The following GRM1 variants were observed in gnomAD, a reference collection of about 807,000 sequenced individuals.
GRM1 encodes the protein metabotropic glutamate receptor 1.
GRM1 carries 33 observed loss-of-function variants against 90.9 expected under a neutral mutation model. The observed-to-expected ratio is 0.36, with a 90% CI of 0.28 to 0.49. The LOEUF (loss-of-function observed/expected upper bound fraction) is 0.49. Ranked by LOEUF, GRM1 falls within the 20% of genes least tolerant of loss-of-function variation. The pLI is 0.99. For missense variants in GRM1, 1,190 were observed against 1,534.3 expected (o/e 0.78, Z 3.75); for synonymous variants, 700 against 613.2 (o/e 1.14, Z -2.09).
intron 1 of GRM1, among the ~76,000 whole-genome samples, chr6:146,091,327 G>A (rs933868586): frequency 6.6e-5 from 10 of 152,154 alleles, no homozygotes; most frequent in Admixed American, 5.9e-4. Context: ...TGAGGAGGCC[G>A]GGGTGAGTGA....
intron 2 of GRM1, among the ~76,000 whole-genome samples, chr6:146,284,052 C>T (rs1438676747): frequency 2.0e-5 from 3 of 152,124 alleles, no homozygotes; most frequent in African/African-American, 7.2e-5. Flanking sequence ...TGGAAATGGG[C>T]TTGGGCCTCT....
At chr6:146,226,698 G>A (rs1428978662) in intron 2 of GRM1, among the ~76,000 whole-genome samples, 2 of 152,096 alleles carry the variant, frequency 1.3e-5, no homozygotes, top group Admixed American at 6.6e-5. Flanking sequence ...TGATCGGTAG[G>A]TGGATGGTTT....
chr6:146,129,238 G>A lies in GRM1; in HGVS notation c.701-30110G>A, dbSNP rs148013624. ...GTGTAGTACAGGAAGGAGAATAGAAGATAACATTCCCATGTTCCTACAGCT... is the reference window on the plus strand; with the variant it reads ...GTGTAGTACAGGAAGGAGAATAGAAAATAACATTCCCATGTTCCTACAGCT... On this transcript the variant is annotated intron_variant, in intron 1 of 7. Coordinates refer to ENST00000282753, the MANE Select transcript of GRM1 (RefSeq NM_001278064.2). Among the ~76,000 whole-genome samples the A allele has an allele frequency of 2.3e-3, 354 of 152,256 alleles. 1 individual carries two copies. The highest frequency in any genetic ancestry group is 8.1e-3 in the African/African-American group (337 of 41,558).
At chr6:146,311,539 T>C (rs1460523579) in intron 3 of GRM1, among the ~76,000 whole-genome samples, 1 of 152,206 alleles carries the variant, frequency 6.6e-6, no homozygotes, top group South Asian at 2.1e-4. Flanking sequence ...ATTAACACTT[T>C]TGATTGGCAC....
chr6:146,181,236 C>T (rs1778540875), intron 2 of GRM1, among the ~76,000 whole-genome samples: 1 of 133,356 alleles, frequency 7.5e-6, no homozygotes. Context: ...AACTTGCCAC[C>T]TTTAAAAAAA....
intron 2 of GRM1, among the ~76,000 whole-genome samples, chr6:146,217,492 AC>A (rs1779913551): frequency 6.6e-6 from 1 of 152,220 alleles, no homozygotes; most frequent in Non-Finnish European, 1.5e-5. Flanking sequence ...GCAACTAATA[AC>A]AACACAGCCT....
intron 3 of GRM1, among the ~76,000 whole-genome samples, chr6:146,339,719 A>T (rs1254269045): frequency 6.6e-6 from 1 of 152,244 alleles, no homozygotes; most frequent in Admixed American, 6.5e-5. Context: ...CTGATATCAC[A>T]GAGTCTACTC....
chr6:146,301,118 C>T (rs1783363237), intron 2 of GRM1, among the ~76,000 whole-genome samples: 1 of 152,054 alleles, frequency 6.6e-6, no homozygotes, highest in Admixed American at 6.6e-5. Flanking sequence ...CTCATACAAA[C>T]CTTTAGCAAT....
chr6:146,310,139 T>C (rs1414868261), intron 3 of GRM1, among the ~76,000 whole-genome samples: 3 of 152,244 alleles, frequency 2.0e-5, no homozygotes, highest in Non-Finnish European at 4.4e-5. Context: ...GGTAAGATGA[T>C]GATAGCTAGT....
chr6:146,298,853 GCAAAGACTTTA>G (rs1407736751), intron 2 of GRM1, among the ~76,000 whole-genome samples: 9 of 152,106 alleles, frequency 5.9e-5, no homozygotes, highest in African/African-American at 2.2e-4. Context: ...TCACTTCCTA[GCAAAGACTTTA>G]CAAAAGCTAT....
intron 3 of GRM1, among the ~76,000 whole-genome samples, chr6:146,322,570 C>CTTTTATTTTATTTTATTTTATTTTAT (rs1554296827): frequency 1.8e-5 from 2 of 109,928 alleles, no homozygotes; most frequent in African/African-American, 1.2e-4. Flanking sequence ...GGGCTGCTGC[C>CTTTTATTTTATTTTATTTTATTTTAT]TTTCTTTTAT....
At chr6:146,189,397 C>T (rs1430570317) in intron 2 of GRM1, among the ~76,000 whole-genome samples, 1 of 152,168 alleles carries the variant, frequency 6.6e-6, no homozygotes, top group African/African-American at 2.4e-5. Context: ...AATTCTGTAG[C>T]AATTCCTATT....
chr6:146,267,702 GCTCGTCTCGTCTCGT>G (rs1185232840), intron 2 of GRM1, among the ~76,000 whole-genome samples: 3,736 of 85,806 alleles, frequency 0.044, 93 homozygotes, highest in Non-Finnish European at 0.054. Flanking sequence ...GCTCGGCTCG[GCTCGTCTCGTCTCGT>G]CTCGTCTCGT....
chr6:146,173,349 C>T (rs909249033), intron 2 of GRM1, among the ~76,000 whole-genome samples: 30 of 144,226 alleles, frequency 2.1e-4, no homozygotes, highest in African/African-American at 7.9e-4. Context: ...GAGACTGCAC[C>T]ATTCCACTCA....
At chr6:146,132,218 A>G (rs1224397311) in intron 1 of GRM1, among the ~76,000 whole-genome samples, 2 of 152,150 alleles carry the variant, frequency 1.3e-5, no homozygotes, top group Non-Finnish European at 2.9e-5. Context: ...ATTTGATCCA[A>G]TTATGTTTAA....
chr6:146,329,493 G>A (rs1287927258), intron 3 of GRM1, among the ~76,000 whole-genome samples: 1 of 152,238 alleles, frequency 6.6e-6, no homozygotes, highest in South Asian at 2.1e-4. Flanking sequence ...CGAGAGATTG[G>A]ATATCATGAA....
intron 2 of GRM1, among the ~76,000 whole-genome samples, chr6:146,220,032 A>G (rs1780008914): frequency 6.6e-6 from 1 of 152,092 alleles, no homozygotes; most frequent in Non-Finnish European, 1.5e-5. Flanking sequence ...AGTACGTAGA[A>G]TTACATATCT....
chr6:146,406,481 A>G lies in GRM1; in HGVS notation c.2660+6782A>G, dbSNP rs532979192. On this transcript the variant is annotated intron_variant, in intron 7 of 7. Transcript: ENST00000282753. Reference sequence around the variant, plus strand: ...TGGAAAGGAAGGTGTGTTCTTCTGGAATTACTGATGGGCTGGAGCACTCTC... The same window carrying G: ...TGGAAAGGAAGGTGTGTTCTTCTGGGATTACTGATGGGCTGGAGCACTCTC... Among the ~76,000 whole-genome samples the G allele has an allele frequency of 3.3e-5, 5 of 152,260 alleles. No individual in the cohort carries two copies. In the East Asian group the frequency reaches 9.7e-4, roughly 29 times the overall value.
intron 6 of GRM1, among the ~76,000 whole-genome samples, chr6:146,388,487 T>C (rs191928870): frequency 4.9e-4 from 74 of 152,204 alleles, no homozygotes; most frequent in African/African-American, 1.7e-3. Flanking sequence ...TAACTAAAAT[T>C]ATACTAAGTG....
Sources: gnomAD v4.1 joint callset for allele counts (sites outside exome capture counted in the v4.1 genomes callset) on GRCh38, gnomAD v4.1.1 for gene constraint, MANE v1.5 for transcripts, NCBI Gene and HGNC (gene_info 2026-07-23, HGNC 2026-07-21) for gene names.